ESYT1: variants seen among roughly 807,000 people sequenced by gnomAD.
ESYT1 encodes extended synaptotagmin-1.
ESYT1 carries 116 observed loss-of-function variants against 154.2 expected under a neutral mutation model. The ratio of observed to expected loss-of-function variants is 0.75; its 90% confidence interval spans 0.65 to 0.88. ESYT1 has a LOEUF of 0.88. ESYT1 is among the 40% of genes least tolerant of loss of function. The pLI, the probability that ESYT1 is intolerant of heterozygous loss-of-function variation, is 0.00. For missense variants in ESYT1, 1,264 were observed against 1,379.3 expected (o/e 0.92, Z 1.32); for synonymous variants, 500 against 539.9 (o/e 0.93, Z 1.02).
At position 56,130,802 on chromosome 12, in the gene ESYT1, G is replaced by C. The variant is rs754675825; in HGVS notation, c.444G>C (p.Gln148His). ...KAEWLNKIVA[Q>H]VWPFLGQYME... is the part of the protein sequence containing the mutation. ...CTCTTTCCTCCCAGATTGTGGCCCA[G>C]GTCTGGCCCTTCCTGGGCCAGTATA... Residue 148 changes from glutamine to histidine, a missense_variant, in exon 3 of 31, where the codon CAG becomes CAC. Transcript: ENST00000394048. The C allele has an allele frequency of 6.2e-7, 1 of 1,613,970 alleles. No homozygotes were observed. Among genetic ancestry groups the C allele is most frequent in the Non-Finnish European group, 8.5e-7 (1 of 1,180,032 alleles).
At chr12:56,134,905 C>T (rs1237686719) in intron 15 of ESYT1, among the ~76,000 whole-genome samples, 3 of 151,986 alleles carry the variant, frequency 2.0e-5, no homozygotes, top group Non-Finnish European at 4.4e-5. Context: ...GGCCTTAGTT[C>T]ATAGGTACTT....
At position 56,142,911 on chromosome 12, in the gene ESYT1, G is replaced by A; in HGVS notation, c.2965G>A (p.Val989Ile). Residue 989 changes from valine (V) to isoleucine (I), a missense_variant, in exon 27 of 31, where the codon GTC (valine) becomes ATC (isoleucine). Val to Ile is a conservative substitution (Grantham distance 29). Transcript: ENST00000394048. This position sits in a 1 kb window ranked among gnomAD's most constrained non-coding sequence, Gnocchi z 4.1. ...LWYYSEERKL[V>I]SIVHGCRSLR... ...GTACTACAGTGAAGAACGAAAGCTG[G>A]TCAGCATTGTTCATGGTTGCCGGTG... 6.2e-7 allele frequency: 1 copy of A among 1,614,158 alleles called. No homozygotes were observed. The highest frequency in any genetic ancestry group is 8.5e-7 in the Non-Finnish European group (1 of 1,180,038).
chr12:56,132,681 G>A (rs1284552772), intron 9 of ESYT1, 38 bp from the exon 10 acceptor site: 1 of 1,613,356 alleles, frequency 6.2e-7, no homozygotes, highest in Non-Finnish European at 8.5e-7. Context: ...CCTCACAGCT[G>A]CAGCCCCATG....
chr12:56,128,626 C>A lies in ESYT1; in HGVS notation c.307C>A (p.Arg103=). ...RVRDEKERSL[R]AARQLLDDEE... Reference sequence around the variant, plus strand: ...CCGCGACGAGAAAGAACGGAGCCTTCGAGCAGCGAGGCAGCTACTGGACGA... The same window carrying A: ...CCGCGACGAGAAAGAACGGAGCCTTAGAGCAGCGAGGCAGCTACTGGACGA... Residue 103 remains arginine, a synonymous_variant, in exon 1 of 31, where the codon CGA becomes AGA. Transcript: ENST00000394048. 1 of 1,614,166 alleles carries A rather than the reference C, an allele frequency of 6.2e-7. No individual in the cohort carries two copies. The highest frequency in any genetic ancestry group is 8.5e-7 in the Non-Finnish European group (1 of 1,180,018).
Position 56,143,622 on chromosome 12 carries a change from GC to G in ESYT1, c.3271del (p.Arg1091GlyfsTer5). 1 of 1,614,116 alleles carries G rather than the reference GC, an allele frequency of 6.2e-7. No individual in the cohort carries two copies. Among genetic ancestry groups the G allele is most frequent in the Non-Finnish European group, 8.5e-7 (1 of 1,180,016 alleles). ...TGAGACAGACCTTTCCCAGGGTGTA[GC>G]CCGGTGGTGAGTGTCTGCGTGGGTG... ...LAETDLSQGVARWYDLMDNKD... is the reference protein window; with the variant it reads ...LAETDLSQGVXRWYDLMDNKD... On this transcript the variant is annotated frameshift_variant, in exon 30 of 31. Coordinates refer to ENST00000394048, the MANE Select transcript of ESYT1 (RefSeq NM_015292.3). LOFTEE classifies it high-confidence loss of function.
Position 56,144,129 on chromosome 12 carries a change from T to G in ESYT1, c.*267T>G. ...TGCTTTGCCTGCACATTGTTCTCCC[T>G]TCCTCCCAACTCCTCAGGGCCTTCT... On this transcript the variant is annotated 3_prime_UTR_variant, in exon 31 of 31. Coordinates refer to ENST00000394048, the MANE Select transcript of ESYT1 (RefSeq NM_015292.3). The G allele has an allele frequency of 7.2e-7, 1 of 1,391,556 alleles. No homozygotes were observed. The allele number at this position is 1,391,556 out of a possible 1,614,324, so 86.2% of individuals were successfully genotyped here.
rs1163965865 is a variant in ESYT1 at position 56,144,218 on chromosome 12, G to A, written c.*356G>A. 8.7e-7 allele frequency: 1 copy of A among 1,153,264 alleles called. No individual in the cohort carries two copies. The highest frequency in any genetic ancestry group is 4.9e-5 in the East Asian group (1 of 20,244). The allele number at this position is 1,153,264 out of a possible 1,614,324, so 71.4% of individuals were successfully genotyped here. A position where few individuals can be genotyped will look rare whatever the true frequency, so the allele number is the denominator to read the frequency against. ...TTAGCTTATGCCAAATACAGCTTTG[G>A]AAGGATCTTTTTTTCTTTAACTAGA... is the stretch of plus-strand genomic sequence containing the variant. On this transcript the variant is annotated 3_prime_UTR_variant, in exon 31 of 31. Transcript: ENST00000394048.
Position 56,131,309 on chromosome 12 carries a change from G to C in ESYT1, c.707G>C (p.Gly236Ala). Residue 236 changes from glycine (G) to alanine (A), a missense_variant, in exon 5 of 31, where the codon GGC (glycine) becomes GCC (alanine). By Grantham distance (60) the Gly-to-Ala change is moderately conservative (BLOSUM62 0). Coordinates refer to ENST00000394048, the MANE Select transcript of ESYT1 (RefSeq NM_015292.3). ...TATTTTTGCAAAGCAGGAGTCAAGG[G>C]CATGCAGGTAGGCCAGATGTCAGGG... The part of the protein sequence containing the change: ...KKYFCKAGVK[G>A]MQLHGVLRVI... 1 of 1,614,210 alleles carries C rather than the reference G, an allele frequency of 6.2e-7. No homozygotes were observed. The highest frequency in any genetic ancestry group is 2.2e-5 in the East Asian group (1 of 44,884).
chr12:56,130,052 TAC>T (rs1870168352), intron 1 of ESYT1, among the ~76,000 whole-genome samples: 1 of 152,120 alleles, frequency 6.6e-6, no homozygotes, highest in Admixed American at 6.5e-5. Flanking sequence ...TAGCTGGGAT[TAC>T]AGTCACGCGC....
chr12:56,140,479 T>C (rs2136883746), intron 24 of ESYT1, among the ~76,000 whole-genome samples: 1 of 152,268 alleles, frequency 6.6e-6, no homozygotes, highest in Middle Eastern at 3.4e-3. Context: ...TTCTCCTGCC[T>C]CAGCCTCCCG....
Position 56,142,254 on chromosome 12 carries a change from G to A in ESYT1, c.2593-31G>A, listed in dbSNP as rs577039494. 1.3e-5 allele frequency: 21 copies of A among 1,610,312 alleles called. No individual in the cohort carries two copies. The highest frequency in any genetic ancestry group is 1.7e-5 in the Non-Finnish European group (20 of 1,177,434). On this transcript the variant is annotated intron_variant, in intron 24 of 30. Coordinates refer to ENST00000394048, the MANE Select transcript of ESYT1 (RefSeq NM_015292.3). This position sits in a 1 kb window ranked among gnomAD's most constrained non-coding sequence, Gnocchi z 4.1. ...GATTAACTCATTTGTTGATGCATTC[G>A]CCTCTTGATCATGGTCCTGTTGCCC... is the stretch of plus-strand genomic sequence containing the variant.
In ESYT1 at chr12:56,143,592, C is replaced by T. The variant is rs2136889272; in HGVS notation, c.3238C>T (p.Leu1080=). 6.2e-7 allele frequency: 1 copy of T among 1,614,096 alleles called. No homozygotes were observed. The highest frequency in any genetic ancestry group is 8.5e-7 in the Non-Finnish European group (1 of 1,180,022). Residue 1080 remains leucine (L), a synonymous_variant, in exon 30 of 31, where the codon CTA becomes TTA. Coordinates refer to ENST00000394048, the MANE Select transcript of ESYT1 (RefSeq NM_015292.3). Reference sequence around the variant, plus strand: ...TCTTCCAACACAGGTGCAGCTGGACCTAGCTGAGACAGACCTTTCCCAGGG... The same window carrying T: ...TCTTCCAACACAGGTGCAGCTGGACTTAGCTGAGACAGACCTTTCCCAGGG... ...RELLGKVQLD[L]AETDLSQGVA...
intron 24 of ESYT1, among the ~76,000 whole-genome samples, chr12:56,141,219 C>T (rs1402896547): frequency 6.6e-6 from 1 of 152,112 alleles, no homozygotes; most frequent in Non-Finnish European, 1.5e-5. Context: ...TAACTTAATG[C>T]TAGCAGAGTA....
chr12:56,128,728 T>G lies in ESYT1; in HGVS notation c.390+19T>G. On this transcript the variant is annotated intron_variant, in intron 1 of 30. Coordinates refer to ENST00000394048, the MANE Select transcript of ESYT1 (RefSeq NM_015292.3). ...TGCCTGGGTGAGCGACCACCCTCGGTCCTCTGTGCAGCATAGCCCCCTTCC... is the reference window on the plus strand; with the variant it reads ...TGCCTGGGTGAGCGACCACCCTCGGGCCTCTGTGCAGCATAGCCCCCTTCC... 1.2e-6 allele frequency: 2 copies of G among 1,612,186 alleles called. No homozygotes were observed. Among genetic ancestry groups the G allele is most frequent in the Non-Finnish European group, 1.7e-6 (2 of 1,179,982 alleles).
At chr12:56,131,845 C>T (rs557636282) in intron 7 of ESYT1, 41 bp downstream of exon 7, 33 of 1,602,436 alleles carry the variant, frequency 2.1e-5, no homozygotes, top group South Asian at 6.6e-5. Flanking sequence ...TGTTCCAGCG[C>T]TGGGTTGGGG....
In ESYT1 at chr12:56,143,625, C is replaced by G. The variant is rs767546962; in HGVS notation, c.3271C>G (p.Arg1091Gly). 2 of 1,614,036 alleles carry G rather than the reference C, an allele frequency of 1.2e-6. No individual in the cohort carries two copies. The highest frequency in any genetic ancestry group is 2.2e-5 in the East Asian group (1 of 44,878). ...AETDLSQGVA[R>G]WYDLMDNKDK... ...GACAGACCTTTCCCAGGGTGTAGCC[C>G]GGTGGTGAGTGTCTGCGTGGGTGGG... Residue 1091 changes from arginine (R) to glycine (G), a missense_variant, in exon 30 of 31, where the codon CGG (arginine) becomes GGG (glycine). Physicochemically the swap from Arg to Gly is moderately radical, Grantham distance 125. Coordinates refer to ENST00000394048, the MANE Select transcript of ESYT1 (RefSeq NM_015292.3).
At chr12:56,139,742 C>T (rs1000969050) in intron 24 of ESYT1, among the ~76,000 whole-genome samples, 76 of 151,834 alleles carry the variant, frequency 5.0e-4, no homozygotes, top group African/African-American at 1.9e-4. Flanking sequence ...ATTACATGCG[C>T]GTGCCACCAT....
chr12:56,138,137 C>T (rs368226847), intron 20 of ESYT1, 46 bp from the exon 21 acceptor site: 323 of 1,613,340 alleles, frequency 2.0e-4, no homozygotes, highest in Non-Finnish European at 2.5e-4. Context: ...TCTCAAAGTT[C>T]TCCTGTCTGC....
chr12:56,139,422 C>T (rs972576118), intron 24 of ESYT1, among the ~76,000 whole-genome samples: 8 of 150,692 alleles, frequency 5.3e-5, no homozygotes, highest in African/African-American at 2.0e-4. Context: ...AAAAGATTGA[C>T]TTCTTATCTT....
Sources: allele counts gnomAD v4.1 joint callset (sites outside exome capture counted in the v4.1 genomes callset), GRCh38; gene constraint gnomAD v4.1.1; non-coding constraint Gnocchi (gnomAD v3.1); transcripts MANE v1.5; gene names NCBI Gene and HGNC (gene_info 2026-07-23, HGNC 2026-07-21).